The following CNTNAP4 variants were observed in gnomAD, a reference collection of about 807,000 sequenced individuals.
The protein encoded by CNTNAP4 is contactin-associated protein-like 4.
Under a neutral mutation model 148.4 loss-of-function variants are expected in CNTNAP4, and 98 were observed. The ratio of observed to expected loss-of-function variants is 0.66; its 90% CI spans 0.56 to 0.78. CNTNAP4 has a LOEUF of 0.78. Ranked by LOEUF, CNTNAP4 falls within the 30% of genes least tolerant of loss-of-function variation. CNTNAP4 has a pLI of 0.00. For synonymous variants in CNTNAP4, 730 were observed against 565.1 expected (o/e 1.29, Z -4.14); for missense variants, 1,935 against 1,565.6 (o/e 1.24, Z -3.98).
chr16:76,302,936 G>T (rs1407677868), intron 1 of CNTNAP4, among the ~76,000 whole-genome samples: 1 of 152,170 alleles, frequency 6.6e-6, no homozygotes, highest in African/African-American at 2.4e-5. Flanking sequence ...ATAGTGATGG[G>T]TCCCTGGTAG....
chr16:76,436,460 C>T (rs1023751428), intron 4 of CNTNAP4, among the ~76,000 whole-genome samples: 1 of 144,816 alleles, frequency 6.9e-6, no homozygotes, highest in South Asian at 2.3e-4. Flanking sequence ...ATGATAAGAG[C>T]TCATGTCTGA....
intron 3 of CNTNAP4, among the ~76,000 whole-genome samples, chr16:76,372,238 C>T (rs978514769): frequency 3.3e-5 from 5 of 151,220 alleles, no homozygotes; most frequent in Middle Eastern, 3.4e-3. Context: ...CTCCCAGGTC[C>T]ATGCCATTCT....
intron 5 of CNTNAP4, 73 bp downstream of exon 5, chr16:76,448,288 G>A (rs999368878): frequency 5.5e-6 from 6 of 1,085,204 alleles, no homozygotes; most frequent in Non-Finnish European, 5.4e-6. Context: ...TGCTTTTATA[G>A]CTTATCTTTT....
chr16:76,554,031 G>C (rs886558341), intron 23 of CNTNAP4, 124 bp downstream of exon 23: 1 of 571,758 alleles, frequency 1.7e-6, no homozygotes, highest in African/African-American at 1.9e-5. Flanking sequence ...TGAATCCTGA[G>C]GTCATTGGGG....
intron 2 of CNTNAP4, among the ~76,000 whole-genome samples, chr16:76,342,131 T>C (rs1308747710): frequency 6.6e-6 from 1 of 152,176 alleles, no homozygotes; most frequent in Non-Finnish European, 1.5e-5. Flanking sequence ...AATCAGAAAT[T>C]CATTATGGAA....
At chr16:76,293,933 A>G (rs905929503) in intron 1 of CNTNAP4, among the ~76,000 whole-genome samples, 4 of 151,790 alleles carry the variant, frequency 2.6e-5, no homozygotes, top group African/African-American at 4.8e-5. Context: ...TTTATGTTCT[A>G]CAGTCATTTC....
chr16:76,351,408 CGCT>C (rs1188193833), intron 2 of CNTNAP4, among the ~76,000 whole-genome samples: 7 of 151,996 alleles, frequency 4.6e-5, no homozygotes, highest in Admixed American at 1.3e-4. Context: ...TTATCTCTAT[CGCT>C]CAGTCTATCT....
chr16:76,488,843 T>TTTTTATTTCATC (rs1165011216), intron 12 of CNTNAP4, among the ~76,000 whole-genome samples: 1 of 152,176 alleles, frequency 6.6e-6, no homozygotes, highest in Non-Finnish European at 1.5e-5. Context: ...CATTGTGAGA[T>TTTTTATTTCATC]TTTTATTTCA....
chr16:76,350,753 A>G (rs1965301070), intron 2 of CNTNAP4, among the ~76,000 whole-genome samples: 1 of 152,232 alleles, frequency 6.6e-6, no homozygotes, highest in African/African-American at 2.4e-5. Context: ...TTAAAATTTA[A>G]TTCTCATAAC....
chr16:76,548,281 T>C (rs2084818227), intron 21 of CNTNAP4, among the ~76,000 whole-genome samples: 1 of 150,610 alleles, frequency 6.6e-6, no homozygotes, highest in African/African-American at 2.4e-5. Flanking sequence ...CCTGGCTCTC[T>C]TGATTCACTG....
rs546161130 is a variant in CNTNAP4, at chr16:76,491,581, T to C, written c.2080+1698T>C. Among the ~76,000 whole-genome samples the C allele has an allele frequency of 2.5e-4, 38 of 152,226 alleles. 1 individual carries two copies. In the South Asian group the frequency reaches 3.7e-3, roughly 15 times the overall value. On this transcript the variant is annotated intron_variant, in intron 13 of 23. Transcript: ENST00000611870. ...TGTTTAGTTTGTAATGGGTTGTTCA[T>C]TGTTGGTGAATATTCATCTTAGAAT...
chr16:76,519,451 C>T (rs2083377467), intron 15 of CNTNAP4, among the ~76,000 whole-genome samples: 1 of 151,952 alleles, frequency 6.6e-6, no homozygotes, highest in Middle Eastern at 3.2e-3. Context: ...CTAATTTAAA[C>T]CTTTAAGTAA....
chr16:76,438,678 G>T (rs759242716), intron 4 of CNTNAP4, among the ~76,000 whole-genome samples: 1 of 151,960 alleles, frequency 6.6e-6, no homozygotes, highest in Non-Finnish European at 1.5e-5. Flanking sequence ...CATCCAGCTC[G>T]CCACTGTCTC....
chr16:76,533,485 T>A (rs952959414), intron 17 of CNTNAP4, among the ~76,000 whole-genome samples: 4 of 152,258 alleles, frequency 2.6e-5, no homozygotes, highest in African/African-American at 9.6e-5. Context: ...TATTGAATGT[T>A]CCCAACACTA....
In CNTNAP4 at chr16:76,462,573, G is replaced by A. The variant is rs533820993; in HGVS notation, c.1483+468G>A. On this transcript the variant is annotated intron_variant, in intron 9 of 23. Transcript: ENST00000611870. Reference sequence around the variant, plus strand: ...TCAGCCCCAGCAACCTCTTCTCCTTGTTAAGCATAATGCACTGATACATTT... The same window carrying A: ...TCAGCCCCAGCAACCTCTTCTCCTTATTAAGCATAATGCACTGATACATTT... Among the ~76,000 whole-genome samples, 12 of 152,228 alleles carry A rather than the reference G, an allele frequency of 7.9e-5. No homozygotes were observed. The South Asian group carries it at 1.0e-3, about 13-fold the overall frequency.
intron 3 of CNTNAP4, among the ~76,000 whole-genome samples, chr16:76,413,297 A>G (rs1167328332): frequency 1.3e-5 from 2 of 151,188 alleles, no homozygotes; most frequent in East Asian, 1.9e-4. Context: ...TCTACTCTCT[A>G]TGTCCATGAA....
chr16:76,476,700 A>G (rs1385366255), intron 11 of CNTNAP4, among the ~76,000 whole-genome samples: 2 of 152,020 alleles, frequency 1.3e-5, no homozygotes, highest in Admixed American at 1.3e-4. Flanking sequence ...GGGGTGAGGG[A>G]TTTCTCTGGG....
chr16:76,357,792 A>G (rs77889240), intron 3 of CNTNAP4, among the ~76,000 whole-genome samples: 1 of 152,150 alleles, frequency 6.6e-6, no homozygotes, highest in African/African-American at 2.4e-5. Flanking sequence ...ATTCTATTTA[A>G]TACCAATTTA....
At chr16:76,515,399 G>A (rs530164727) in intron 15 of CNTNAP4, among the ~76,000 whole-genome samples, 33 of 152,136 alleles carry the variant, frequency 2.2e-4, no homozygotes, top group African/African-American at 8.0e-4. Flanking sequence ...AATTCAATAG[G>A]ACCAGTGTCC....
Sources: gnomAD v4.1 joint callset for allele counts (sites outside exome capture counted in the v4.1 genomes callset) on GRCh38, gnomAD v4.1.1 for gene constraint, MANE v1.5 for transcripts, NCBI Gene and HGNC (gene_info 2026-07-23, HGNC 2026-07-21) for gene names.